KMT2C: variants seen among roughly 807,000 people sequenced by gnomAD.
The protein encoded by KMT2C is lysine methyltransferase 2C, also known as histone-lysine N-methyltransferase 2C.
A neutral mutation model predicts 507.9 loss-of-function variants in KMT2C; 88 were observed. The ratio of observed to expected loss-of-function variants is 0.17; its 90% CI spans 0.15 to 0.21. The LOEUF (loss-of-function observed/expected upper bound fraction) is 0.21. Among genes scored for constraint, KMT2C ranks in the 10% least tolerant of loss-of-function variants. KMT2C has a pLI of 1.00. For missense variants in KMT2C, 4,954 were observed against 5,957.8 expected, an observed-to-expected ratio of 0.83 and a Z score of 5.55; for synonymous variants, 2,049 against 2,080.8, an observed-to-expected ratio of 0.98 and a Z score of 0.42.
At chr7:152,254,511 A>G (rs1273093365) in intron 9 of KMT2C, among the ~76,000 whole-genome samples, 1 of 152,192 alleles carries the variant, frequency 6.6e-6, no homozygotes, top group Non-Finnish European at 1.5e-5. Flanking sequence ...TAAAGAAAGA[A>G]GTCTTTGGGA....
intron 2 of KMT2C, among the ~76,000 whole-genome samples, chr7:152,332,057 C>T (rs190493530): frequency 4.5e-4 from 68 of 152,250 alleles, no homozygotes; most frequent in African/African-American, 1.6e-3. Flanking sequence ...CATTAAAAGA[C>T]TCATCATGTA....
At position 152,136,556 on chromosome 7, in the gene KMT2C, CAA is replaced by C; in HGVS notation, c.*274_*275del. 4 of 326,502 alleles carry C rather than the reference CAA, an allele frequency of 1.2e-5. No individual in the cohort carries two copies. Among genetic ancestry groups the C allele is most frequent in the Middle Eastern group, 8.6e-4 (1 of 1,162 alleles). 20.2% of individuals were successfully genotyped at this position (326,502 alleles called of 1,614,324 possible). The stretch of plus-strand genomic sequence containing the variant: ...AGGGAAAAACAAAACAAAAAACAAA[CAA>C]AAAAAAAAGAAAAGGAAAAGAAAAA... On this transcript the variant is annotated 3_prime_UTR_variant, in exon 59 of 59. Transcript: ENST00000262189.
At position 152,330,681 on chromosome 7, in the gene KMT2C, C is replaced by G. The variant is rs753705374; in HGVS notation, c.309G>C (p.Gln103His). 1 of 1,613,982 alleles carries G rather than the reference C, an allele frequency of 6.2e-7. No individual in the cohort carries two copies. The highest frequency in any genetic ancestry group is 1.7e-5 in the Admixed American group (1 of 60,028). Residue 103 changes from glutamine to histidine, a missense_variant, in exon 3 of 59, where the codon CAG becomes CAC. By Grantham distance (24) the Gln-to-His change is conservative. Around this residue, in one of 29 missense-constraint regions of KMT2C, gnomAD observed 233 missense variants for 263.6 expected, o/e 0.88. Transcript: ENST00000262189. ...CAGATCGCTGAAGAGTTGGAATTAGCTGTTTGCTGTTATCCACTTCTGCTT... is the reference window on the plus strand; with the variant it reads ...CAGATCGCTGAAGAGTTGGAATTAGGTGTTTGCTGTTATCCACTTCTGCTT... The part of the protein sequence containing the change: ...DAEAEVDNSK[Q>H]LIPTLQRSVS...
intron 25 of KMT2C, 102 bp from the exon 26 acceptor site, chr7:152,203,166 T>C: frequency 1.2e-6 from 1 of 855,238 alleles, no homozygotes; most frequent in Non-Finnish European, 1.7e-6. Flanking sequence ...CAGTTTCATA[T>C]AAACAAACAA....
intron 2 of KMT2C, among the ~76,000 whole-genome samples, chr7:152,349,623 GGTTAGCAAGGAGGGA>G (rs906405482): frequency 3.9e-5 from 6 of 152,082 alleles, no homozygotes; most frequent in Non-Finnish European, 7.4e-5. Context: ...GGTTGCCATA[GGTTAGCAAGGAGGGA>G]GGGAGCAAGG....
At chr7:152,358,773 A>C in intron 1 of KMT2C, 98 bp from the exon 2 acceptor site, 1 of 730,834 alleles carries the variant, frequency 1.4e-6, no homozygotes, top group Non-Finnish European at 2.3e-6. Context: ...GAAGGTATAC[A>C]AAATAAGTAA....
intron 2 of KMT2C, among the ~76,000 whole-genome samples, chr7:152,347,247 A>G (rs2097069023): frequency 6.6e-6 from 1 of 152,248 alleles, no homozygotes; most frequent in Non-Finnish European, 1.5e-5. Flanking sequence ...GGGCAACCTC[A>G]GCTACAGACT....
Position 152,292,039 on chromosome 7 carries a change from TTTTTTTTTCTGACC to T in KMT2C, c.849+17913_849+17926del, listed in dbSNP as rs1483451452. On this transcript the variant is annotated intron_variant, in intron 6 of 58. Transcript: ENST00000262189. Reference sequence around the variant, plus strand: ...GATAAAATTTTGTTTTAATTTACTATTTTTTTTTCTGACCTTTTAGTTTTATTCCTGTTGGCTGG... The same window carrying T: ...GATAAAATTTTGTTTTAATTTACTATTTTTAGTTTTATTCCTGTTGGCTGG... 2.6e-5 allele frequency among the ~76,000 whole-genome samples: 4 copies of T among 151,326 alleles called. No individual in the cohort carries two copies. In the East Asian group the frequency reaches 7.7e-4, roughly 29 times the overall value.
intron 6 of KMT2C, among the ~76,000 whole-genome samples, chr7:152,286,291 T>C (rs2096296164): frequency 6.6e-6 from 1 of 152,308 alleles, no homozygotes; most frequent in Non-Finnish European, 1.5e-5. Context: ...GTGAAAAATA[T>C]CAACTTACAG....
chr7:152,159,200 T>TA (rs1436257698), intron 43 of KMT2C, 128 bp from the exon 44 acceptor site: 13 of 736,434 alleles, frequency 1.8e-5, no homozygotes, highest in Non-Finnish European at 2.7e-5. Flanking sequence ...GTAGGGAAGA[T>TA]AGAGTGGTGT....
At chr7:152,193,777 C>A (rs994202327) in intron 31 of KMT2C, among the ~76,000 whole-genome samples, 1 of 152,114 alleles carries the variant, frequency 6.6e-6, no homozygotes, top group Non-Finnish European at 1.5e-5. Flanking sequence ...AGGGCAGGCA[C>A]TGTTACATCC....
chr7:152,271,976 C>T (rs1021964549), intron 7 of KMT2C, among the ~76,000 whole-genome samples: 3 of 151,978 alleles, frequency 2.0e-5, no homozygotes, highest in Non-Finnish European at 2.9e-5. Flanking sequence ...TTTGTGGTTA[C>T]GTCTGGAGTT....
At chr7:152,356,018 G>A (rs991962752) in intron 2 of KMT2C, among the ~76,000 whole-genome samples, 7 of 152,018 alleles carry the variant, frequency 4.6e-5, no homozygotes, top group Non-Finnish European at 1.0e-4. Flanking sequence ...ATACATGAGA[G>A]GGGACACAAT....
chr7:152,329,677 AGAAAGGGAGGGAAGGAGGGC>A (rs1336262240), intron 3 of KMT2C, among the ~76,000 whole-genome samples: 1 of 139,712 alleles, frequency 7.2e-6, no homozygotes, highest in Non-Finnish European at 1.5e-5. Flanking sequence ...GGAAGGAGGG[AGAAAGGGAGGGAAGGAGGGC>A]GGGAAGGAAG....
rs769792555 is a variant in KMT2C, at chr7:152,435,707, G to A, written c.80C>T (p.Pro27Leu). 2.3e-5 allele frequency: 36 copies of A among 1,536,882 alleles called. No homozygotes were observed. Among genetic ancestry groups the A allele is most frequent in the Non-Finnish European group, 3.2e-5 (36 of 1,140,562 alleles). Reference sequence around the variant, plus strand: ...TCTTTTGTCTGCGGCTGCGGGGCTCGGGGCCGGGGCTCCAGGCTCCTCGGG... The same window carrying A: ...TCTTTTGTCTGCGGCTGCGGGGCTCAGGGCCGGGGCTCCAGGCTCCTCGGG... Reference protein sequence around the residue: ...PPPEEPGAPAPSPAAADKRPR... With the variant: ...PPPEEPGAPALSPAAADKRPR... The change falls in exon 1 of 59, where the codon CCG (proline) becomes CTG (leucine). Residue 27 changes from proline to leucine, a missense_variant. Pro to Leu is a moderately conservative substitution (Grantham distance 98). Transcript: ENST00000262189.
chr7:152,242,702 C>T (rs113382363), intron 14 of KMT2C, among the ~76,000 whole-genome samples: 5 of 152,208 alleles, frequency 3.3e-5, no homozygotes, highest in South Asian at 2.1e-4. Flanking sequence ...AATAATGACA[C>T]GTGGAGGATA....
chr7:152,408,924 A>AT (rs1304067058), intron 1 of KMT2C, among the ~76,000 whole-genome samples: 1 of 152,082 alleles, frequency 6.6e-6, no homozygotes, highest in Non-Finnish European at 1.5e-5. Flanking sequence ...AATGAAGTTA[A>AT]TTCTACACTA....
chr7:152,283,882 A>G (rs2096257588), intron 6 of KMT2C, among the ~76,000 whole-genome samples: 1 of 152,202 alleles, frequency 6.6e-6, no homozygotes, highest in African/African-American at 2.4e-5. Context: ...CTGCTGAATT[A>G]TGCATCAAAA....
intron 14 of KMT2C, among the ~76,000 whole-genome samples, chr7:152,240,461 A>C (rs1462151787): frequency 2.0e-5 from 3 of 152,252 alleles, no homozygotes; most frequent in African/African-American, 7.2e-5. Context: ...GCTTGAGCCT[A>C]GATCCTAAAT....
Sources: gnomAD v4.1 joint callset for allele counts (sites outside exome capture counted in the v4.1 genomes callset) on GRCh38, gnomAD v4.1.1 for gene constraint, gnomAD v4.1.1 regional missense constraint, MANE v1.5 for transcripts, NCBI Gene and HGNC (gene_info 2026-07-23, HGNC 2026-07-21) for gene names.